LNP1: variants seen among roughly 807,000 people sequenced by gnomAD.
The protein encoded by LNP1 is leukemia NUP98 fusion partner 1.
Under a neutral mutation model 14.5 loss-of-function variants are expected in LNP1, and 12 were observed. That is an observed-to-expected ratio of 0.83 (90% CI 0.53 to 1.34). The LOEUF (loss-of-function observed/expected upper bound fraction) is 1.34, where lower values mean the gene tolerates loss of function less well. Among genes scored for constraint, LNP1 ranks in the 40% most tolerant of loss-of-function variants. The probability of loss-of-function intolerance (pLI) is 0.00; values close to 1 mark genes in which losing one functional copy is unlikely to be tolerated. For missense variants in LNP1, 198 were observed against 210.9 expected, an observed-to-expected ratio of 0.94 and a Z score of 0.38; for synonymous variants, 75 against 71.4, an observed-to-expected ratio of 1.05 and a Z score of -0.26.
chr3:100,427,500 T>C (rs1324192525), intron 1 of LNP1, among the ~76,000 whole-genome samples: 1 of 152,176 alleles, frequency 6.6e-6, no homozygotes, highest in African/African-American at 2.4e-5. Flanking sequence ...GATGGCTAGG[T>C]AGCCACTGGG....
At chr3:100,406,805 T>C (rs909126905) in intron 1 of LNP1, among the ~76,000 whole-genome samples, 1 of 152,228 alleles carries the variant, frequency 6.6e-6, no homozygotes, top group Non-Finnish European at 1.5e-5. Flanking sequence ...AGTGCTGGGA[T>C]TACAGGCATG....
chr3:100,427,120 T>C (rs1707200097), intron 1 of LNP1, among the ~76,000 whole-genome samples: 1 of 152,024 alleles, frequency 6.6e-6, no homozygotes, highest in Admixed American at 6.5e-5. Context: ...TCCCCTTTCT[T>C]GCTGGTTTAT....
chr3:100,454,354 C>T lies in LNP1; in HGVS notation c.388-1423C>T, dbSNP rs564401659. Reference sequence around the variant, plus strand: ...TTAATGCAAAATTAGAAATTCCGAACATATACAGATACACTTCAACTTTTC... The same window carrying T: ...TTAATGCAAAATTAGAAATTCCGAATATATACAGATACACTTCAACTTTTC... On this transcript the variant is annotated intron_variant, in intron 3 of 3. Transcript: ENST00000383693. Among the ~76,000 whole-genome samples the T allele has an allele frequency of 3.3e-5, 5 of 152,226 alleles. 1 individual carries two copies. The South Asian group carries it at 1.0e-3, about 32-fold the overall frequency.
chr3:100,440,158 T>C (rs1270003040), intron 2 of LNP1, among the ~76,000 whole-genome samples: 1 of 152,198 alleles, frequency 6.6e-6, no homozygotes, highest in Non-Finnish European at 1.5e-5. Context: ...TCAAATTTCC[T>C]CTTCTTGTAA....
rs1433922899 is a variant in LNP1 at position 100,402,788 on chromosome 3, ACTGTT to A, written c.-34+350_-34+354del. 3.1e-4 allele frequency among the ~76,000 whole-genome samples: 47 copies of A among 152,226 alleles called. No homozygotes were observed. The East Asian group carries it at 8.5e-3, about 28-fold the overall frequency. On this transcript the variant is annotated intron_variant, in intron 1 of 3. Transcript: ENST00000383693. ...TCTTATTTATTGGAGTAAGCAATAC[ACTGTT>A]ACGGTTAAACTCCAAAAGTTACAGA... is the stretch of plus-strand genomic sequence containing the variant.
chr3:100,448,442 T>G (rs1452525374), intron 2 of LNP1, among the ~76,000 whole-genome samples: 1 of 152,216 alleles, frequency 6.6e-6, no homozygotes, highest in Non-Finnish European at 1.5e-5. Context: ...ATTTATTAAA[T>G]ATTACATGAG....
intron 1 of LNP1, among the ~76,000 whole-genome samples, chr3:100,402,643 ATT>A (rs34360656): frequency 6.9e-6 from 1 of 145,118 alleles, no homozygotes; most frequent in Admixed American, 6.9e-5. Context: ...ACAAGTTAGG[ATT>A]TTTTTTTTTT....
chr3:100,436,944 T>G (rs905880936), intron 2 of LNP1, among the ~76,000 whole-genome samples: 2 of 152,144 alleles, frequency 1.3e-5, no homozygotes, highest in Non-Finnish European at 2.9e-5. Context: ...TCATGTGAGG[T>G]TGCAGTGAGA....
At chr3:100,422,492 T>G (rs1707153450) in intron 1 of LNP1, among the ~76,000 whole-genome samples, 1 of 152,146 alleles carries the variant, frequency 6.6e-6, no homozygotes, top group Non-Finnish European at 1.5e-5. Flanking sequence ...GCTCGTCTGT[T>G]TTAGAATAAT....
intron 1 of LNP1, among the ~76,000 whole-genome samples, chr3:100,405,692 C>G (rs569481026): frequency 1.9e-4 from 29 of 152,270 alleles, no homozygotes; most frequent in African/African-American, 4.8e-4. Flanking sequence ...ACTCCTAATA[C>G]TATTACATTC....
chr3:100,404,834 C>T (rs1706948086), intron 1 of LNP1, among the ~76,000 whole-genome samples: 1 of 146,068 alleles, frequency 6.8e-6, no homozygotes, highest in Non-Finnish European at 1.5e-5. Flanking sequence ...GCTCTGTTGC[C>T]CAGGCTGGAG....
chr3:100,416,599 T>TTGTGTG (rs769199967), intron 1 of LNP1, among the ~76,000 whole-genome samples: 36 of 94,648 alleles, frequency 3.8e-4, no homozygotes, highest in South Asian at 6.6e-4. Context: ...TATATCTTTT[T>TTGTGTG]TGTGTGTGTG....
At chr3:100,416,597 TTTTGTGTG>T (rs1396658485) in intron 1 of LNP1, among the ~76,000 whole-genome samples, 10,602 of 110,602 alleles carry the variant, frequency 0.096, 1,216 homozygotes, top group African/African-American at 0.28. Flanking sequence ...AGTATATCTT[TTTTGTGTG>T]TGTGTGTGTG....
chr3:100,443,158 C>G (rs766101562), intron 2 of LNP1, among the ~76,000 whole-genome samples: 33 of 151,780 alleles, frequency 2.2e-4, no homozygotes, highest in Non-Finnish European at 4.7e-4. Flanking sequence ...TTGATGACTC[C>G]AAATGAGAAA....
At chr3:100,445,671 G>T (rs904692366) in intron 2 of LNP1, among the ~76,000 whole-genome samples, 1 of 151,846 alleles carries the variant, frequency 6.6e-6, no homozygotes, top group African/African-American at 2.4e-5. Flanking sequence ...CAAAGTTTTT[G>T]GTTTTTAAAA....
At chr3:100,453,424 TA>T (rs778105596) in intron 3 of LNP1, among the ~76,000 whole-genome samples, 1,265 of 133,970 alleles carry the variant, frequency 9.4e-3, no homozygotes, top group Middle Eastern at 0.015. Context: ...CTACGAAAAT[TA>T]AAAAAAAAAA....
chr3:100,422,912 A>G (rs1011938378), intron 1 of LNP1, among the ~76,000 whole-genome samples: 27 of 147,012 alleles, frequency 1.8e-4, no homozygotes, highest in African/African-American at 6.3e-4. Flanking sequence ...ATGGTGATAT[A>G]CCCTTAGAGA....
At chr3:100,437,879 C>A (rs34571713) in intron 2 of LNP1, among the ~76,000 whole-genome samples, 3,723 of 152,208 alleles carry the variant, frequency 0.024, 69 homozygotes, top group Admixed American at 0.035. Context: ...ATCCAGGAAC[C>A]AGATGTCACA....
intron 3 of LNP1, among the ~76,000 whole-genome samples, chr3:100,453,949 CA>C (rs1268198065): frequency 1.3e-5 from 2 of 152,288 alleles, no homozygotes; most frequent in African/African-American, 4.8e-5. Flanking sequence ...TACCGAGGTT[CA>C]TGTCCCTGTG....
Sources: gnomAD v4.1 joint callset for allele counts (sites outside exome capture counted in the v4.1 genomes callset) on GRCh38, gnomAD v4.1.1 for gene constraint, MANE v1.5 for transcripts, NCBI Gene and HGNC (gene_info 2026-07-23, HGNC 2026-07-21) for gene names.